Variants in PHKA2 observed in about 807,000 individuals in gnomAD.
PHKA2 encodes phosphorylase b kinase regulatory subunit alpha, liver isoform.
A neutral mutation model predicts 102.0 loss-of-function variants in PHKA2; 31 were observed. The observed-to-expected ratio is 0.30, with a 90% CI of 0.23 to 0.41. The LOEUF (loss-of-function observed/expected upper bound fraction) is 0.41. Ranked by LOEUF, PHKA2 falls within the 10% of genes least tolerant of loss-of-function variation. The probability of loss-of-function intolerance (pLI) is 1.00; values close to 1 mark genes in which losing one functional copy is unlikely to be tolerated. For synonymous variants in PHKA2, 455 were observed against 416.2 expected (o/e 1.09, Z -1.13); for missense variants, 858 against 1,023.1 (o/e 0.84, Z 2.20).
chrX:18,908,969 G>A (rs764670909), intron 20 of PHKA2, 35 bp from the exon 21 acceptor site: 46 of 1,208,751 alleles, frequency 3.8e-5, no homozygotes, highest in Non-Finnish European at 5.0e-5. Context: ...AGGGAGATGG[G>A]CTAGGCATGG....
chrX:18,893,171 A>T lies in PHKA2; in HGVS notation c.*314T>A. 2.9e-6 allele frequency: 1 copy of T among 349,731 alleles called. No individual in the cohort carries two copies. The highest frequency in any genetic ancestry group is 5.1e-6 in the Non-Finnish European group (1 of 195,899). 28.8% of individuals were successfully genotyped at this position (349,731 alleles called of 1,213,427 possible). A position where few individuals can be genotyped will look rare whatever the true frequency, so the allele number is the denominator to read the frequency against. On this transcript the variant is annotated 3_prime_UTR_variant, in exon 33 of 33. Transcript: ENST00000379942. ...AAGCTGGCGTCTCAGTTCCCTCTGC[A>T]CTCAAAAGAGACCAATTTCCAATTC...
chrX:18,911,813 T>C (rs780457573), intron 19 of PHKA2, among the ~76,000 whole-genome samples: 2 of 112,513 alleles, frequency 1.8e-5, no homozygotes, highest in East Asian at 5.6e-4. Flanking sequence ...GGAAAAATGA[T>C]ACAACATCCC....
At chrX:18,895,431 T>G in intron 30 of PHKA2, 2 of 421,982 alleles carry the variant, frequency 4.7e-6, no homozygotes, top group Non-Finnish European at 8.4e-6. Flanking sequence ...CCCCGAACAA[T>G]GCCCTAGGGG....
rs764554230 is a variant in PHKA2 at position 18,924,103 on chromosome X, C to A, written c.1746G>T (p.Val582=). The A allele has an allele frequency of 2.3e-5, 28 of 1,203,817 alleles. No individual in the cohort carries two copies. In the Admixed American group the frequency reaches 4.1e-4, roughly 18 times the overall value. ...TNDGSDIHSA[V]LSTIRKLEDG... is the part of the protein sequence containing the mutation. ...CCTCTAGTTTTCTAATTGTGGAGAG[C>A]ACAGCAGAATGAATGTCTGAGCCAT... Residue 582 remains valine, a synonymous_variant, in exon 17 of 33, where the codon GTG becomes GTT. Coordinates refer to ENST00000379942, the MANE Select transcript of PHKA2 (RefSeq NM_000292.3).
At chrX:18,894,660 G>A in intron 31 of PHKA2, 1 of 433,720 alleles carries the variant, frequency 2.3e-6, no homozygotes, top group Non-Finnish European at 4.0e-6. Flanking sequence ...CTTCCAGGGA[G>A]CAGGGACCAT....
At chrX:18,944,343 C>G (rs2048543182) in intron 6 of PHKA2, among the ~76,000 whole-genome samples, 1 of 111,960 alleles carries the variant, frequency 8.9e-6, no homozygotes, top group Admixed American at 9.5e-5. Flanking sequence ...TCTGGCACTT[C>G]AGAAAGTTAA....
chrX:18,920,459 C>G (rs990630378), intron 17 of PHKA2, among the ~76,000 whole-genome samples: 1 of 112,384 alleles, frequency 8.9e-6, no homozygotes, highest in African/African-American at 3.2e-5. Flanking sequence ...AACACAAATA[C>G]GACTCTATTT....
Position 18,920,152 on chromosome X carries a change from A to C in PHKA2, c.1843T>G (p.Tyr615Asp). 9.0e-7 allele frequency: 1 copy of C among 1,109,708 alleles called. No individual in the cohort carries two copies. Among genetic ancestry groups the C allele is most frequent in the East Asian group, 3.0e-5 (1 of 33,475 alleles). The allele number at this position is 1,109,708 out of a possible 1,213,427, so 91.5% of individuals were successfully genotyped here. Residue 615 changes from tyrosine (Y) to aspartate (D), a missense_variant, in exon 18 of 33, where the codon TAT (tyrosine) becomes GAT (aspartate). Physicochemically the swap from Tyr to Asp is radical, Grantham distance 160 (BLOSUM62 -3). Around this residue, in one of 2 missense-constraint regions of PHKA2, gnomAD observed 671 missense variants for 745.2 expected, o/e 0.90. Coordinates refer to ENST00000379942, the MANE Select transcript of PHKA2 (RefSeq NM_000292.3). Reference protein sequence around the residue: ...SEFLTTSFYTYLTFLDPDCDE... With the variant: ...SEFLTTSFYTDLTFLDPDCDE... ...CAGTCTGGATCCAGAAAAGTCAGAT[A>C]TGTGTAGAACGATGTGGTGAGAAAT...
chrX:18,956,528 G>A (rs2048777661), intron 1 of PHKA2, among the ~76,000 whole-genome samples: 1 of 111,793 alleles, frequency 8.9e-6, no homozygotes, highest in African/African-American at 3.3e-5. Flanking sequence ...TTTGGATTAT[G>A]AAATATCCCT....
At position 18,905,816 on chromosome X, in the gene PHKA2, A is replaced by T; in HGVS notation, c.2850T>A (p.Asp950Glu). 1 of 1,208,053 alleles carries T rather than the reference A, an allele frequency of 8.3e-7. No individual in the cohort carries two copies. The stretch of plus-strand genomic sequence containing the variant: ...GAATATGGTGCAGGAGATTTTTCAT[A>T]TCGAAAGGGCTGAGGTTCATCAAAC... ...SESLMNLSPF[D>E]MKNLLHHILS... Residue 950 changes from aspartate (D) to glutamate (E), a missense_variant, in exon 26 of 33, where the codon GAT (aspartate) becomes GAA (glutamate). This residue lies in a region of PHKA2 where 671 missense variants were observed against 745.2 expected (regional missense o/e 0.90). Coordinates refer to ENST00000379942, the MANE Select transcript of PHKA2 (RefSeq NM_000292.3).
At chrX:18,943,510 T>C (rs185428529) in intron 7 of PHKA2, among the ~76,000 whole-genome samples, 200 bp downstream of exon 7, 228 of 112,666 alleles carry the variant, frequency 2.0e-3, no homozygotes, top group Admixed American at 0.019. Flanking sequence ...ACAAAGTGCT[T>C]AGACAGACTA....
At chrX:18,945,600 A>C (rs2048564844) in intron 5 of PHKA2, among the ~76,000 whole-genome samples, 1 of 112,278 alleles carries the variant, frequency 8.9e-6, no homozygotes, top group African/African-American at 3.2e-5. Context: ...AAAATAATTT[A>C]GTACTTATTT....
chrX:18,976,198 C>G (rs1346981132), intron 1 of PHKA2, among the ~76,000 whole-genome samples: 1 of 110,577 alleles, frequency 9.0e-6, no homozygotes, highest in East Asian at 2.8e-4. Flanking sequence ...TGGTCTCAAA[C>G]TCCTGACCTG....
rs149136487 is a variant in PHKA2, at chrX:18,963,838, C to T, written c.79-9426G>A. Among the ~76,000 whole-genome samples, 5 of 111,768 alleles carry T rather than the reference C, an allele frequency of 4.5e-5. No homozygotes were observed. In the East Asian group the frequency reaches 1.4e-3, roughly 32 times the overall value. On this transcript the variant is annotated intron_variant, in intron 1 of 32. Transcript: ENST00000379942. ...GAGATGAATGTTGTCATCTACCCAC[C>T]AGAAATAACACAAAGTACCAATTCC...
intron 19 of PHKA2, among the ~76,000 whole-genome samples, chrX:18,911,287 C>T (rs1005685945): frequency 2.5e-4 from 28 of 110,454 alleles, no homozygotes; most frequent in African/African-American, 9.3e-4. Flanking sequence ...GATTCTCCTG[C>T]CTCGGCCTCC....
chrX:18,955,298 A>T (rs2042148405), intron 1 of PHKA2, among the ~76,000 whole-genome samples: 1 of 111,194 alleles, frequency 9.0e-6, no homozygotes, highest in African/African-American at 3.3e-5. Context: ...AAGCAACGCT[A>T]TAGAGACATA....
intron 17 of PHKA2, among the ~76,000 whole-genome samples, chrX:18,921,109 T>A (rs1437319035): frequency 9.0e-6 from 1 of 110,998 alleles, no homozygotes; most frequent in Admixed American, 9.6e-5. Flanking sequence ...CCAGTGGGTA[T>A]GTAGGGTGAG....
At position 18,910,895 on chromosome X, in the gene PHKA2, A is replaced by C. The variant is rs199904295; in HGVS notation, c.2203T>G (p.Ser735Ala). Residue 735 changes from serine (S) to alanine (A), a missense_variant, in exon 20 of 33, where the codon TCT (serine) becomes GCT (alanine). By Grantham distance (99) the Ser-to-Ala change is moderately conservative. Coordinates refer to ENST00000379942, the MANE Select transcript of PHKA2 (RefSeq NM_000292.3). ...ACCTTTTCTAGGAGTGGCTGAGGAG[A>C]ATCAACAAGATTCAGTGATTTACGG... is the stretch of plus-strand genomic sequence containing the variant. ...AHRKSLNLVD[S>A]PQPLLEKVPE... 13 of 1,189,215 alleles carry C rather than the reference A, an allele frequency of 1.1e-5. No individual in the cohort carries two copies. In the African/African-American group the frequency reaches 1.8e-4, roughly 16 times the overall value.
At chrX:18,948,137 A>G (rs2048615880) in intron 5 of PHKA2, among the ~76,000 whole-genome samples, 1 of 111,885 alleles carries the variant, frequency 8.9e-6, no homozygotes, top group African/African-American at 3.3e-5. Flanking sequence ...CTGTTCCCCA[A>G]TAACCTATGG....
Sources: gnomAD v4.1 joint callset for allele counts (sites outside exome capture counted in the v4.1 genomes callset) on GRCh38, gnomAD v4.1.1 for gene constraint, gnomAD v4.1.1 regional missense constraint, MANE v1.5 for transcripts, NCBI Gene and HGNC (gene_info 2026-07-23, HGNC 2026-07-21) for gene names.